SLC4A8: variants seen among roughly 807,000 people sequenced by gnomAD.
The protein encoded by SLC4A8 is electroneutral sodium bicarbonate exchanger 1.
SLC4A8 carries 40 observed loss-of-function variants against 125.0 expected under a neutral mutation model. That is an observed-to-expected ratio of 0.32 (90% CI 0.25 to 0.42). SLC4A8 has a LOEUF of 0.42. SLC4A8 is among the 10% of genes least tolerant of loss of function. The pLI, the probability that SLC4A8 is intolerant of heterozygous loss-of-function variation, is 1.00. For synonymous variants in SLC4A8, 456 were observed against 476.0 expected, an observed-to-expected ratio of 0.96 and a Z score of 0.55; for missense variants, 863 against 1,355.1, an observed-to-expected ratio of 0.64 and a Z score of 5.70.
chr12:51,407,897 G>C (rs960311763), intron 1 of SLC4A8: 1 of 152,344 alleles, frequency 6.6e-6, no homozygotes, highest in Non-Finnish European at 1.5e-5. Context: ...CTCCCTGTGA[G>C]GTCTGTATGG....
chr12:51,396,925 A>AT (rs753146267), intron 1 of SLC4A8, among the ~76,000 whole-genome samples: 43,329 of 104,784 alleles, frequency 0.41, 10,295 homozygotes, highest in South Asian at 0.46. Flanking sequence ...GCCTTAGTTA[A>AT]TTTTTTTTTT....
chr12:51,472,873 G>A (rs1030621385), intron 14 of SLC4A8, among the ~76,000 whole-genome samples: 2 of 152,076 alleles, frequency 1.3e-5, no homozygotes, highest in Non-Finnish European at 2.9e-5. Context: ...GTATGTAATT[G>A]ATTTTTAAAA....
At chr12:51,469,360 A>G (rs1950622851) in intron 11 of SLC4A8, among the ~76,000 whole-genome samples, 1 of 152,086 alleles carries the variant, frequency 6.6e-6, no homozygotes, top group Admixed American at 6.6e-5. Context: ...TGAACTTTTT[A>G]TTGAATGGAT....
rs201512119 is a variant in SLC4A8 at position 51,453,508 on chromosome 12, T to G, written c.414-31T>G. ...TCTTAAAAATTCCTCATTTTCTATC[T>G]TTGGCATCTAGTTATTTGTAATGCT... On this transcript the variant is annotated intron_variant, in intron 4 of 24. Coordinates refer to ENST00000453097, the MANE Select transcript of SLC4A8 (RefSeq NM_001039960.3). The G allele has an allele frequency of 2.5e-6, 4 of 1,603,804 alleles. No homozygotes were observed. The African/African-American group carries it at 4.0e-5, about 16-fold the overall frequency.
intron 17 of SLC4A8, 50 bp downstream of exon 17, chr12:51,485,950 T>G (rs1951152805): frequency 9.5e-7 from 1 of 1,054,900 alleles, no homozygotes; most frequent in South Asian, 1.3e-5. Context: ...TCATACATTC[T>G]GATGCCAAGT....
rs1264105336 is a variant in SLC4A8 at position 51,471,503 on chromosome 12, C to G, written c.1875C>G (p.His625Gln). 6.2e-7 allele frequency: 1 copy of G among 1,614,070 alleles called. No individual in the cohort carries two copies. The change falls in exon 14 of 25, where the codon CAC becomes CAG. Residue 625 changes from histidine (H) to glutamine (Q), a missense_variant. By Grantham distance (24) the His-to-Gln change is conservative. Transcript: ENST00000453097. The stretch of plus-strand genomic sequence containing the variant: ...CAGAGACCTACCCCATCCACATGCA[C>G]AGCCAGCTGGACCACCTTAGCCTCT... ...HLAETYPIHM[H>Q]SQLDHLSLYY...
At chr12:51,433,068 A>C (rs191160200) in intron 1 of SLC4A8, among the ~76,000 whole-genome samples, 1 of 152,284 alleles carries the variant, frequency 6.6e-6, no homozygotes, top group Admixed American at 6.5e-5. Context: ...TGTTCCCTGT[A>C]GCCTCTGTGG....
upstream of SLC4A8, among the ~76,000 whole-genome samples, chr12:51,421,606 G>C (rs1404409518): frequency 1.3e-5 from 2 of 152,110 alleles, no homozygotes; most frequent in African/African-American, 2.4e-5. Context: ...TTCTGCCATG[G>C]CTGGGACTTG....
chr12:51,403,216 G>T (rs1314063172), intron 1 of SLC4A8: 11 of 456,856 alleles, frequency 2.4e-5, no homozygotes, highest in Non-Finnish European at 4.8e-5. Context: ...TACCGCCGGG[G>T]AGACCCAGGA....
chr12:51,471,897 C>A (rs895608047), intron 14 of SLC4A8, among the ~76,000 whole-genome samples: 3 of 152,154 alleles, frequency 2.0e-5, no homozygotes, highest in Admixed American at 1.3e-4. Context: ...ACTATGTTAT[C>A]AAGTGAGAGA....
intron 21 of SLC4A8, among the ~76,000 whole-genome samples, chr12:51,496,117 G>A (rs944928922): frequency 1.8e-4 from 27 of 152,136 alleles, no homozygotes; most frequent in African/African-American, 5.6e-4. Context: ...GTTTGTATTC[G>A]TGTGTTACGT....
intron 1 of SLC4A8, among the ~76,000 whole-genome samples, chr12:51,430,326 G>C (rs143466754): frequency 1.1e-4 from 16 of 152,206 alleles, no homozygotes; most frequent in African/African-American, 3.6e-4. Context: ...GTAAATATTT[G>C]CTGAGCGAAT....
chr12:51,480,235 G>A (rs1337475957), intron 16 of SLC4A8: 8 of 1,264,280 alleles, frequency 6.3e-6, no homozygotes, highest in Non-Finnish European at 8.2e-6. Context: ...CTGGCCAAGT[G>A]CTATTCTTTA....
intron 16 of SLC4A8, among the ~76,000 whole-genome samples, chr12:51,483,391 C>G (rs1166144905): frequency 6.7e-6 from 1 of 150,100 alleles, no homozygotes; most frequent in African/African-American, 2.4e-5. Flanking sequence ...AGAAAGGGAG[C>G]TCAAATCAGG....
intron 1 of SLC4A8, among the ~76,000 whole-genome samples, chr12:51,410,163 A>T (rs1187616630): frequency 6.6e-6 from 1 of 152,212 alleles, no homozygotes; most frequent in African/African-American, 2.4e-5. Flanking sequence ...AGCACAGTGC[A>T]TGGGAGTGCC....
intron 2 of SLC4A8, 174 bp from the exon 3 acceptor site, chr12:51,450,702 C>G: frequency 1.5e-6 from 1 of 659,930 alleles, no homozygotes; most frequent in Non-Finnish European, 2.6e-6. Flanking sequence ...AGACCTTCAA[C>G]TCCAAAATCT....
intron 1 of SLC4A8, among the ~76,000 whole-genome samples, chr12:51,410,344 T>C (rs780147277): frequency 6.6e-6 from 1 of 152,244 alleles, no homozygotes; most frequent in Non-Finnish European, 1.5e-5. Flanking sequence ...TTGGGCATCT[T>C]TAGCTAGTTT....
At chr12:51,400,119 G>A (rs1396322046) in intron 1 of SLC4A8, among the ~76,000 whole-genome samples, 3 of 152,196 alleles carry the variant, frequency 2.0e-5, no homozygotes, top group African/African-American at 7.2e-5. Context: ...GCCCTCTCCT[G>A]GGTTTGTTCC....
At chr12:51,396,048 A>C (rs1049637954) in intron 1 of SLC4A8, among the ~76,000 whole-genome samples, 3 of 152,114 alleles carry the variant, frequency 2.0e-5, no homozygotes, top group Admixed American at 2.0e-4. Context: ...GCTACAATTC[A>C]CCCATTTCTG....
Sources: gnomAD v4.1 joint callset for allele counts (sites outside exome capture counted in the v4.1 genomes callset) on GRCh38, gnomAD v4.1.1 for gene constraint, MANE v1.5 for transcripts, NCBI Gene and HGNC (gene_info 2026-07-23, HGNC 2026-07-21) for gene names.